SIPA1L1: variants seen among roughly 807,000 people sequenced by gnomAD.
SIPA1L1 encodes the protein signal induced proliferation associated 1 like 1, also known as signal-induced proliferation-associated 1-like protein 1.
In SIPA1L1, 26 loss-of-function variants were observed where a neutral mutation model predicts 162.7. The ratio of observed to expected loss-of-function variants is 0.16; its 90% CI spans 0.12 to 0.22. The LOEUF (loss-of-function observed/expected upper bound fraction) is 0.22. SIPA1L1 is among the 10% of genes least tolerant of loss of function. The probability of loss-of-function intolerance (pLI) is 1.00; values close to 1 mark genes in which losing one functional copy is unlikely to be tolerated. For missense variants in SIPA1L1, 1,874 were observed against 2,241.0 expected, an observed-to-expected ratio of 0.84 and a Z score of 3.31; for synonymous variants, 829 against 837.4, an observed-to-expected ratio of 0.99 and a Z score of 0.17.
At chr14:71,508,482 G>C (rs1043072432) in intron 2 of SIPA1L1, among the ~76,000 whole-genome samples, 1 of 152,148 alleles carries the variant, frequency 6.6e-6, no homozygotes, top group Non-Finnish European at 1.5e-5. Flanking sequence ...AAGGAAGTTT[G>C]TACATGTTTA....
chr14:71,435,223 C>T (rs1056686720), intron 2 of SIPA1L1, among the ~76,000 whole-genome samples: 4 of 151,886 alleles, frequency 2.6e-5, no homozygotes, highest in African/African-American at 9.7e-5. Context: ...ATGTGCACAA[C>T]ATGCAGGTTT....
chr14:71,736,926 AC>A (rs1196301727), intron 22 of SIPA1L1, among the ~76,000 whole-genome samples: 1 of 152,192 alleles, frequency 6.6e-6, no homozygotes, highest in Non-Finnish European at 1.5e-5. Flanking sequence ...TGCGAAGGAT[AC>A]CACTGCTGCC....
At chr14:71,418,874 G>C (rs1028465967) in intron 2 of SIPA1L1, among the ~76,000 whole-genome samples, 1 of 152,134 alleles carries the variant, frequency 6.6e-6, no homozygotes, top group Non-Finnish European at 1.5e-5. Flanking sequence ...GTGCTCCTGC[G>C]GGGAGGGCTT....
At chr14:71,699,547 T>C (rs75113816) in intron 14 of SIPA1L1, among the ~76,000 whole-genome samples, 14,394 of 152,244 alleles carry the variant, frequency 0.095, 1,416 homozygotes, top group African/African-American at 0.23. Context: ...AGATTTATTT[T>C]TGGACCACAC....
chr14:71,600,566 T>G (rs1164707004), intron 5 of SIPA1L1, among the ~76,000 whole-genome samples: 1 of 152,210 alleles, frequency 6.6e-6, no homozygotes, highest in African/African-American at 2.4e-5. Context: ...CTGGATTGTT[T>G]CGTCTCTTCT....
At chr14:71,476,517 A>G (rs1236920503) in intron 2 of SIPA1L1, among the ~76,000 whole-genome samples, 1 of 152,120 alleles carries the variant, frequency 6.6e-6, no homozygotes, top group East Asian at 1.9e-4. Context: ...TTTAAAACTC[A>G]TTTCTGTGGC....
chr14:71,339,479 C>T (rs1308744991), intron 2 of SIPA1L1, among the ~76,000 whole-genome samples: 2 of 151,866 alleles, frequency 1.3e-5, no homozygotes, highest in African/African-American at 4.8e-5. Context: ...TCTCCTGCCT[C>T]AGCCTCCCGA....
chr14:71,723,641 C>T lies in SIPA1L1; in HGVS notation c.4209-6C>T. The T allele has an allele frequency of 6.2e-7, 1 of 1,614,174 alleles. No individual in the cohort carries two copies. The highest frequency in any genetic ancestry group is 8.5e-7 in the Non-Finnish European group (1 of 1,180,018). On this transcript the variant is annotated splice_polypyrimidine_tract_variant and splice_region_variant and intron_variant, in intron 17 of 23. Transcript: ENST00000381232. ...ATACACATGTCTTTGCCCTGCTTCT[C>T]CTCAGTACCATGAGCTCCCGACACT... is the stretch of plus-strand genomic sequence containing the variant.
chr14:71,383,287 C>T (rs893842454), intron 2 of SIPA1L1, among the ~76,000 whole-genome samples: 2 of 152,144 alleles, frequency 1.3e-5, no homozygotes, highest in African/African-American at 4.8e-5. Context: ...CCACACTGGT[C>T]CTGGAGAGTT....
chr14:71,687,778 A>G (rs775659513), intron 13 of SIPA1L1, among the ~76,000 whole-genome samples: 1 of 152,156 alleles, frequency 6.6e-6, no homozygotes, highest in African/African-American at 2.4e-5. Flanking sequence ...ACCCAGAGGA[A>G]AATGCATCTC....
chr14:71,668,264 G>A (rs1245045749), intron 10 of SIPA1L1, among the ~76,000 whole-genome samples: 1 of 152,164 alleles, frequency 6.6e-6, no homozygotes, highest in Non-Finnish European at 1.5e-5. Context: ...AGGAGTAGGA[G>A]GTTTGAAAGC....
chr14:71,414,664 A>C (rs1443505365), intron 2 of SIPA1L1, among the ~76,000 whole-genome samples: 4 of 152,196 alleles, frequency 2.6e-5, no homozygotes, highest in Admixed American at 2.6e-4. Context: ...AATCTTCTCT[A>C]TGTTTCTTGA....
At chr14:71,552,073 C>T (rs1295584023) in intron 4 of SIPA1L1, among the ~76,000 whole-genome samples, 1 of 152,100 alleles carries the variant, frequency 6.6e-6, no homozygotes, top group Non-Finnish European at 1.5e-5. Context: ...GACTGTAAGC[C>T]CCTCAAGAGT....
chr14:71,503,364 T>C (rs1167530333), intron 2 of SIPA1L1, among the ~76,000 whole-genome samples: 1 of 152,234 alleles, frequency 6.6e-6, no homozygotes. Flanking sequence ...CTGTCCTCAA[T>C]AAGCTGATTA....
At chr14:71,571,145 A>G (rs1250711528) in intron 4 of SIPA1L1, among the ~76,000 whole-genome samples, 1 of 152,222 alleles carries the variant, frequency 6.6e-6, no homozygotes, top group African/African-American at 2.4e-5. Context: ...TTTCTTCAAA[A>G]TTGAGCCCAA....
intron 2 of SIPA1L1, among the ~76,000 whole-genome samples, chr14:71,445,395 A>C (rs2045262865): frequency 6.6e-6 from 1 of 152,014 alleles, no homozygotes; most frequent in South Asian, 2.1e-4. Context: ...TACACTGATC[A>C]CTGTTTCTTT....
At chr14:71,487,296 T>C (rs1045579750) in intron 2 of SIPA1L1, among the ~76,000 whole-genome samples, 3 of 152,198 alleles carry the variant, frequency 2.0e-5, no homozygotes, top group Non-Finnish European at 2.9e-5. Flanking sequence ...TCCTACTGAA[T>C]GTTCCCTGGT....
chr14:71,615,602 G>A (rs1401254269), intron 5 of SIPA1L1, among the ~76,000 whole-genome samples: 4 of 152,232 alleles, frequency 2.6e-5, no homozygotes, highest in African/African-American at 4.8e-5. Context: ...TGTGGTAGCA[G>A]TTGCTGAAAT....
At chr14:71,558,329 A>G (rs1289093769) in intron 4 of SIPA1L1, among the ~76,000 whole-genome samples, 1 of 152,156 alleles carries the variant, frequency 6.6e-6, no homozygotes, top group African/African-American at 2.4e-5. Context: ...ATGACTATAT[A>G]GAGAGCATTG....
Sources: gnomAD v4.1 joint callset for allele counts (sites outside exome capture counted in the v4.1 genomes callset) on GRCh38, gnomAD v4.1.1 for gene constraint, MANE v1.5 for transcripts, NCBI Gene and HGNC (gene_info 2026-07-23, HGNC 2026-07-21) for gene names.